MECOM: variants seen among roughly 807,000 people sequenced by gnomAD.
The protein encoded by MECOM is histone-lysine N-methyltransferase MECOM.
A neutral mutation model predicts 116.3 loss-of-function variants in MECOM; 13 were observed. The observed-to-expected ratio is 0.11, with a 90% CI of 0.07 to 0.18. The LOEUF (loss-of-function observed/expected upper bound fraction) is 0.18, where lower values mean the gene tolerates loss of function less well. Ranked by LOEUF, MECOM falls within the 10% of genes least tolerant of loss-of-function variation. The pLI, the probability that MECOM is intolerant of heterozygous loss-of-function variation, is 1.00. For synonymous variants in MECOM, 528 were observed against 535.2 expected, an observed-to-expected ratio of 0.99 and a Z score of 0.19; for missense variants, 1,299 against 1,509.0, an observed-to-expected ratio of 0.86 and a Z score of 2.31.
chr3:169,347,376 A>C (rs1221757095), intron 2 of MECOM, among the ~76,000 whole-genome samples: 4 of 152,080 alleles, frequency 2.6e-5, no homozygotes, highest in African/African-American at 9.7e-5. Context: ...CACATTTGAA[A>C]GAAAAAGATT....
At chr3:169,277,161 T>A (rs1027683705) in intron 2 of MECOM, among the ~76,000 whole-genome samples, 1 of 152,158 alleles carries the variant, frequency 6.6e-6, no homozygotes, top group African/African-American at 2.4e-5. Flanking sequence ...AAAATGGGTA[T>A]GTATATTATA....
At chr3:169,374,327 C>G (rs975095591) in intron 2 of MECOM, among the ~76,000 whole-genome samples, 44 of 152,000 alleles carry the variant, frequency 2.9e-4, no homozygotes, top group African/African-American at 1.1e-3. Context: ...ATATAAATTT[C>G]TATTGTTTAA....
At chr3:169,408,162 A>G (rs1736991541) in intron 1 of MECOM, among the ~76,000 whole-genome samples, 1 of 152,222 alleles carries the variant, frequency 6.6e-6, no homozygotes. Context: ...TTGAACGAGG[A>G]CCAGAAATAA....
At chr3:169,568,385 G>A (rs1425586579) in intron 1 of MECOM, among the ~76,000 whole-genome samples, 1 of 151,866 alleles carries the variant, frequency 6.6e-6, no homozygotes, top group Non-Finnish European at 1.5e-5. Context: ...CACTCCCCTG[G>A]AAAAGGGGCT....
Position 169,378,474 on chromosome 3 carries a change from CAAGAAAGA to C in MECOM, c.375+2705_375+2712del, listed in dbSNP as rs1283905397. ...GAAGGAAAGCAAGCAAGCAAGCAAG[CAAGAAAGA>C]GAGAGAGAAAGAAAGAAAGAAAGAA... On this transcript the variant is annotated intron_variant, in intron 2 of 16. Transcript: ENST00000651503. 7.3e-3 allele frequency among the ~76,000 whole-genome samples: 199 copies of C among 27,438 alleles called. 5 individuals carry two copies. Among genetic ancestry groups the C allele is most frequent in the African/African-American group, 0.016 (60 of 3,684 alleles). The allele number at this position is 27,438 out of a possible 152,430, so 18.0% of individuals were successfully genotyped here.
chr3:169,593,375 A>T (rs1284159650), intron 1 of MECOM, among the ~76,000 whole-genome samples: 1 of 152,230 alleles, frequency 6.6e-6, no homozygotes, highest in Admixed American at 6.5e-5. Flanking sequence ...AAAACAGCAT[A>T]AATATTACAG....
At chr3:169,188,388 C>T (rs1173319844) in intron 2 of MECOM, among the ~76,000 whole-genome samples, 2 of 151,564 alleles carry the variant, frequency 1.3e-5, no homozygotes, top group Admixed American at 6.6e-5. Flanking sequence ...TTGTGGTCTT[C>T]GAATGAGAAG....
intron 2 of MECOM, among the ~76,000 whole-genome samples, chr3:169,355,745 T>C (rs994541699): frequency 2.0e-5 from 3 of 151,904 alleles, no homozygotes; most frequent in African/African-American, 7.2e-5. Flanking sequence ...GAATTTGAAA[T>C]TGATGTCAAA....
At chr3:169,433,956 G>GA (rs1051534651) in intron 1 of MECOM, among the ~76,000 whole-genome samples, 2 of 151,252 alleles carry the variant, frequency 1.3e-5, no homozygotes, top group Non-Finnish European at 2.9e-5. Context: ...ATTCATCTGG[G>GA]AAAAAAAAGG....
chr3:169,503,885 T>C (rs890074122), intron 1 of MECOM, among the ~76,000 whole-genome samples: 2 of 152,174 alleles, frequency 1.3e-5, no homozygotes, highest in Admixed American at 1.3e-4. Flanking sequence ...CACTGTAACA[T>C]AGACCATGGT....
At position 169,115,424 on chromosome 3, in the gene MECOM, C is replaced by T. The variant is rs146103170; in HGVS notation, c.2448G>A (p.Gln816=). The change falls in exon 8 of 17, where the codon CAG becomes CAA. Residue 816 remains glutamine, a synonymous_variant. Transcript: ENST00000651503. Reference sequence around the variant, plus strand: ...TAAAGAAAGGAGTGGGTCTTGCATGCTGCAAGGAACCATCTGAAGCAGGTC... The same window carrying T: ...TAAAGAAAGGAGTGGGTCTTGCATGTTGCAAGGAACCATCTGAAGCAGGTC... ...ESRPASDGSL[Q]HARPTPFFMD... 302 of 1,614,140 alleles carry T rather than the reference C, an allele frequency of 1.9e-4. 1 individual carries two copies. In the African/African-American group the frequency reaches 3.7e-3, roughly 20 times the overall value.
intron 2 of MECOM, among the ~76,000 whole-genome samples, chr3:169,296,134 A>C (rs1715551244): frequency 6.6e-6 from 1 of 152,132 alleles, no homozygotes; most frequent in Non-Finnish European, 1.5e-5. Flanking sequence ...CACTTTTTTG[A>C]CCAGACCCAC....
chr3:169,236,024 A>G (rs1179417180), intron 2 of MECOM, among the ~76,000 whole-genome samples: 1 of 152,112 alleles, frequency 6.6e-6, no homozygotes, highest in African/African-American at 2.4e-5. Context: ...TATGTGGTAC[A>G]GGGCAGCACC....
At chr3:169,485,829 G>GTATA (rs150596583) in intron 1 of MECOM, among the ~76,000 whole-genome samples, 2,642 of 134,320 alleles carry the variant, frequency 0.02, 70 homozygotes, top group East Asian at 0.11. Context: ...ATATATATAT[G>GTATA]TATATATATG....
At chr3:169,386,738 C>G (rs1006201034) in intron 1 of MECOM, among the ~76,000 whole-genome samples, 1 of 152,000 alleles carries the variant, frequency 6.6e-6, no homozygotes, top group African/African-American at 2.4e-5. Context: ...TTTCAATTTC[C>G]TTAGGTTAGA....
At chr3:169,191,529 T>C (rs921442589) in intron 2 of MECOM, among the ~76,000 whole-genome samples, 1 of 151,230 alleles carries the variant, frequency 6.6e-6, no homozygotes, top group Non-Finnish European at 1.5e-5. Flanking sequence ...TTTTGTTCTG[T>C]TGTTTTTGGT....
In MECOM at chr3:169,108,079, T is replaced by C. The variant is rs189713570; in HGVS notation, c.2578-127A>G. The stretch of plus-strand genomic sequence containing the variant: ...TTTTGCTTATCATGTAACTGTACCT[T>C]GAGTAAAAGCTTTGGAAATAAAAAT... On this transcript the variant is annotated intron_variant, in intron 9 of 16. Coordinates refer to ENST00000651503, the MANE Select transcript of MECOM (RefSeq NM_004991.4). 1,068 of 641,394 alleles carry C rather than the reference T, an allele frequency of 1.7e-3. 25 individuals are homozygous for C. In the Admixed American group the frequency reaches 0.03, roughly 18 times the overall value. The allele number at this position is 641,394 out of a possible 1,614,324, so 39.7% of individuals were successfully genotyped here. A position where few individuals can be genotyped will look rare whatever the true frequency, so the allele number is the denominator to read the frequency against.
intron 1 of MECOM, among the ~76,000 whole-genome samples, chr3:169,636,166 T>C (rs1198790328): frequency 6.6e-6 from 1 of 152,216 alleles, no homozygotes; most frequent in Non-Finnish European, 1.5e-5. Context: ...CTCCCCAATT[T>C]GACAGATCCA....
intron 2 of MECOM, among the ~76,000 whole-genome samples, chr3:169,354,634 A>C (rs973715342): frequency 1.3e-5 from 2 of 151,988 alleles, no homozygotes; most frequent in African/African-American, 4.8e-5. Flanking sequence ...GCAAAGTTTA[A>C]AAGAATTCGT....
Sources: allele counts gnomAD v4.1 joint callset (sites outside exome capture counted in the v4.1 genomes callset), GRCh38; gene constraint gnomAD v4.1.1; transcripts MANE v1.5; gene names NCBI Gene and HGNC (gene_info 2026-07-23, HGNC 2026-07-21).